Variants in MSRA observed in about 807,000 individuals in gnomAD.
MSRA encodes methionine sulfoxide reductase A.
MSRA carries 54 observed loss-of-function variants against 31.3 expected under a neutral mutation model. The observed-to-expected ratio is 1.73, with a 90% CI of 1.39 to 2.17. The LOEUF is 2.17. Ranked by LOEUF, MSRA falls within the 30% of genes most tolerant of loss-of-function variation. The pLI, the probability that MSRA is intolerant of heterozygous loss-of-function variation, is 0.00. For synonymous variants in MSRA, 169 were observed against 116.5 expected (o/e 1.45, Z -2.90); for missense variants, 507 against 300.9 (o/e 1.69, Z -5.07).
At chr8:10,379,318 A>T (rs1805923073) in intron 5 of MSRA, among the ~76,000 whole-genome samples, 2 of 152,148 alleles carry the variant, frequency 1.3e-5, no homozygotes, top group African/African-American at 2.4e-5. Flanking sequence ...AAAAAAAAAA[A>T]ATCCAGCCAG....
intron 5 of MSRA, among the ~76,000 whole-genome samples, chr8:10,407,541 G>A (rs1016921088): frequency 2.4e-4 from 36 of 152,212 alleles, no homozygotes; most frequent in Admixed American, 2.0e-3. Flanking sequence ...TAGCCTGGAG[G>A]AGAGGTAGCA....
chr8:10,135,375 G>C (rs1277978070), intron 1 of MSRA, among the ~76,000 whole-genome samples: 1 of 152,186 alleles, frequency 6.6e-6, no homozygotes, highest in Non-Finnish European at 1.5e-5. Flanking sequence ...AGTTTTGCCA[G>C]TTCCATTCTA....
At chr8:10,171,725 A>G (rs1458644501) in intron 1 of MSRA, among the ~76,000 whole-genome samples, 1 of 152,224 alleles carries the variant, frequency 6.6e-6, no homozygotes, top group Non-Finnish European at 1.5e-5. Flanking sequence ...AACACTTTGA[A>G]CATCATCTTT....
At chr8:10,318,567 T>C (rs535764726) in intron 4 of MSRA, among the ~76,000 whole-genome samples, 2 of 152,358 alleles carry the variant, frequency 1.3e-5, no homozygotes, top group African/African-American at 4.8e-5. Flanking sequence ...TTTTCTGTCC[T>C]ATCTCAAAAT....
intron 1 of MSRA, chr8:10,059,148 A>T (rs1802560345): frequency 6.6e-6 from 1 of 152,198 alleles, no homozygotes; most frequent in Non-Finnish European, 1.5e-5. Context: ...AATAAATGGT[A>T]TTGGGACAAC....
intron 2 of MSRA, among the ~76,000 whole-genome samples, chr8:10,235,976 T>G (rs1004200730): frequency 4.6e-5 from 7 of 152,120 alleles, no homozygotes; most frequent in Non-Finnish European, 1.0e-4. Context: ...GAAAGATGAT[T>G]TAGAAAAATC....
intron 1 of MSRA, among the ~76,000 whole-genome samples, chr8:10,120,486 G>A (rs1563118740): frequency 6.6e-6 from 1 of 152,230 alleles, no homozygotes; most frequent in Non-Finnish European, 1.5e-5. Flanking sequence ...GTATGGCTCA[G>A]TCACTTCCAA....
intron 3 of MSRA, among the ~76,000 whole-genome samples, chr8:10,283,832 TATATAC>T (rs1799779665): frequency 1.5e-5 from 1 of 65,328 alleles, no homozygotes; most frequent in Non-Finnish European, 3.0e-5. Context: ...TATATATATA[TATATAC>T]ACACACACAC....
chr8:10,098,686 G>T (rs1563436105), intron 1 of MSRA, among the ~76,000 whole-genome samples: 1 of 152,204 alleles, frequency 6.6e-6, no homozygotes, highest in Non-Finnish European at 1.5e-5. Context: ...GAGATTAGTT[G>T]TATTACACGT....
chr8:10,424,408 A>G (rs1385492935), intron 5 of MSRA, among the ~76,000 whole-genome samples: 1 of 124,786 alleles, frequency 8.0e-6, no homozygotes, highest in Non-Finnish European at 1.7e-5. Flanking sequence ...AGGACCCGGA[A>G]TGGAATAGGA....
chr8:10,195,078 A>G (rs992823476), intron 1 of MSRA, among the ~76,000 whole-genome samples: 1 of 152,174 alleles, frequency 6.6e-6, no homozygotes, highest in Admixed American at 6.5e-5. Flanking sequence ...CCTATTCTTT[A>G]TAACAATGCT....
At chr8:10,117,876 T>C (rs965546699) in intron 1 of MSRA, among the ~76,000 whole-genome samples, 1 of 152,192 alleles carries the variant, frequency 6.6e-6, no homozygotes, top group African/African-American at 2.4e-5. Flanking sequence ...TGAAGAAAAA[T>C]CCTGGGTCCC....
chr8:10,173,957 C>T (rs545446991), intron 1 of MSRA, among the ~76,000 whole-genome samples: 38 of 152,140 alleles, frequency 2.5e-4, no homozygotes, highest in Non-Finnish European at 5.0e-4. Context: ...AGGTCAGCAT[C>T]CACATTGAGG....
chr8:10,345,862 C>T (rs918660852), intron 5 of MSRA, among the ~76,000 whole-genome samples: 8 of 152,180 alleles, frequency 5.3e-5, no homozygotes, highest in African/African-American at 1.2e-4. Context: ...CAAATGGAGG[C>T]ATTTCAGCTT....
At chr8:10,102,435 G>C (rs1208108445) in intron 1 of MSRA, among the ~76,000 whole-genome samples, 1 of 152,020 alleles carries the variant, frequency 6.6e-6, no homozygotes, top group African/African-American at 2.4e-5. Context: ...CACTGGGTGA[G>C]TTTTAATTTC....
chr8:10,137,589 G>A (rs1221168296), intron 1 of MSRA, among the ~76,000 whole-genome samples: 3 of 152,222 alleles, frequency 2.0e-5, no homozygotes, highest in Non-Finnish European at 4.4e-5. Context: ...GTAGGAATCA[G>A]TCATGTGATG....
intron 3 of MSRA, among the ~76,000 whole-genome samples, chr8:10,285,770 C>A (rs1325062478): frequency 6.6e-6 from 1 of 152,018 alleles, no homozygotes; most frequent in Non-Finnish European, 1.5e-5. Flanking sequence ...TGGATTGTTT[C>A]AGTTCATAAA....
chr8:10,251,703 C>T (rs1034901611), intron 3 of MSRA, among the ~76,000 whole-genome samples: 1 of 152,084 alleles, frequency 6.6e-6, no homozygotes, highest in Non-Finnish European at 1.5e-5. Context: ...ATCCAAGCAG[C>T]TATGCAAGAC....
At chr8:10,155,518 A>G (rs1347098410) in intron 1 of MSRA, among the ~76,000 whole-genome samples, 1 of 152,160 alleles carries the variant, frequency 6.6e-6, no homozygotes, top group East Asian at 1.9e-4. Flanking sequence ...GTGCCATCCC[A>G]GCCATTATGA....
Sources: gnomAD v4.1 joint callset for allele counts (sites outside exome capture counted in the v4.1 genomes callset) on GRCh38, gnomAD v4.1.1 for gene constraint, MANE v1.5 for transcripts, NCBI Gene and HGNC (gene_info 2026-07-23, HGNC 2026-07-21) for gene names.